Variants in LRMDA observed in about 807,000 individuals in gnomAD.
LRMDA encodes leucine-rich melanocyte differentiation-associated protein.
A neutral mutation model predicts 29.8 loss-of-function variants in LRMDA; 18 were observed. The observed-to-expected ratio is 0.60, with a 90% confidence interval of 0.42 to 0.90. The LOEUF (loss-of-function observed/expected upper bound fraction) is 0.90, where lower values mean the gene tolerates loss of function less well. Among genes scored for constraint, LRMDA ranks in the 40% least tolerant of loss-of-function variants. LRMDA has a pLI of 0.00. For missense variants in LRMDA, 273 were observed against 273.9 expected, an observed-to-expected ratio of 1.00 and a Z score of 0.02; for synonymous variants, 125 against 109.4, an observed-to-expected ratio of 1.14 and a Z score of -0.89.
chr10:75,624,915 G>A (rs1383801808), intron 2 of LRMDA, among the ~76,000 whole-genome samples: 2 of 152,170 alleles, frequency 1.3e-5, no homozygotes, highest in Non-Finnish European at 2.9e-5. Context: ...AACAATCCAG[G>A]AGACTTGTGG....
intron 2 of LRMDA, among the ~76,000 whole-genome samples, chr10:75,458,696 A>G (rs772500597): frequency 6.6e-6 from 1 of 152,086 alleles, no homozygotes; most frequent in Admixed American, 6.6e-5. Flanking sequence ...TTCAACATAG[A>G]TGCACCCCAC....
In LRMDA at chr10:75,682,822, C is replaced by T. The variant is rs572003747; in HGVS notation, c.131+244328C>T. Among the ~76,000 whole-genome samples, 47 of 152,214 alleles carry T rather than the reference C, an allele frequency of 3.1e-4. 1 individual carries two copies. In the South Asian group the frequency reaches 9.4e-3, roughly 30 times the overall value. Reference sequence around the variant, plus strand: ...TTTGACTCAGCGCAGCATCAATCCCCCTGAGACTGGCCTGTTAAAAGTGGA... The same window carrying T: ...TTTGACTCAGCGCAGCATCAATCCCTCTGAGACTGGCCTGTTAAAAGTGGA... On this transcript the variant is annotated intron_variant, in intron 2 of 6. Transcript: ENST00000611255.
chr10:75,807,338 G>T (rs562721516), intron 2 of LRMDA, among the ~76,000 whole-genome samples: 26 of 152,312 alleles, frequency 1.7e-4, no homozygotes, highest in Middle Eastern at 3.4e-3. Context: ...ATCAGACAGG[G>T]CATGGGCCTG....
At chr10:75,816,894 C>T (rs532853869) in intron 2 of LRMDA, among the ~76,000 whole-genome samples, 110 of 152,304 alleles carry the variant, frequency 7.2e-4, no homozygotes, top group African/African-American at 2.4e-3. Context: ...GGTTAGTATT[C>T]TCTGCTGTCA....
In LRMDA at chr10:75,649,114, C is replaced by T. The variant is rs181066852; in HGVS notation, c.131+210620C>T. Among the ~76,000 whole-genome samples, 316 of 152,296 alleles carry T rather than the reference C, an allele frequency of 2.1e-3. 3 individuals carry two copies. The highest frequency in any genetic ancestry group is 0.018 in the South Asian group (88 of 4,824). ...CCCATTAAACAGTAACTCCCCATTC[C>T]TCCCTCCCCTTAGCCCCTAGCAACC... On this transcript the variant is annotated intron_variant, in intron 2 of 6. Coordinates refer to ENST00000611255, the MANE Select transcript of LRMDA (RefSeq NM_001305581.2).
intron 2 of LRMDA, chr10:75,883,556 A>C (rs901787486): frequency 6.6e-6 from 1 of 152,116 alleles, no homozygotes; most frequent in Non-Finnish European, 1.5e-5. Context: ...CGGCAAAGCA[A>C]TTATCATTTC....
intron 5 of LRMDA, among the ~76,000 whole-genome samples, chr10:76,060,273 G>A (rs745873138): frequency 1.3e-5 from 2 of 152,052 alleles, no homozygotes; most frequent in East Asian, 1.9e-4. Context: ...TTTCTCCTGC[G>A]CTCATTGACT....
intron 6 of LRMDA, among the ~76,000 whole-genome samples, chr10:76,357,895 G>A (rs770235889): frequency 5.4e-4 from 82 of 152,262 alleles, no homozygotes; most frequent in Non-Finnish European, 9.7e-4. Context: ...CCATGGGACT[G>A]TGAGGCCTCC....
chr10:75,980,515 G>A (rs934347141), intron 2 of LRMDA, among the ~76,000 whole-genome samples: 1 of 152,148 alleles, frequency 6.6e-6, no homozygotes. Context: ...AGATTTTTTT[G>A]GCAGGGGGGC....
rs1021129213 is a variant in LRMDA at position 76,486,676 on chromosome 10, A to C, written c.602-70533A>C. ...TCTTACTGGGACTTTGTTTGGAGAG[A>C]TGTAGTGGGAATTTTAAAAAAGAGA... On this transcript the variant is annotated intron_variant, in intron 6 of 6. Transcript: ENST00000611255. 3.3e-5 allele frequency among the ~76,000 whole-genome samples: 5 copies of C among 151,748 alleles called. No individual in the cohort carries two copies. The South Asian group carries it at 8.3e-4, about 25-fold the overall frequency.
chr10:76,092,890 T>A (rs901370194), intron 5 of LRMDA, among the ~76,000 whole-genome samples: 10 of 152,246 alleles, frequency 6.6e-5, no homozygotes, highest in South Asian at 2.1e-4. Flanking sequence ...TGCATTTTTT[T>A]ATCAAATGGC....
chr10:76,076,333 G>A (rs1233813687), intron 5 of LRMDA, among the ~76,000 whole-genome samples: 15 of 115,140 alleles, frequency 1.3e-4, no homozygotes, highest in East Asian at 2.3e-4. Context: ...GCGACAGAGC[G>A]AGACTCCATC....
chr10:76,119,782 T>A (rs1007759182), intron 5 of LRMDA, among the ~76,000 whole-genome samples: 2 of 152,234 alleles, frequency 1.3e-5, no homozygotes, highest in African/African-American at 4.8e-5. Flanking sequence ...AAAATGCATG[T>A]CCCAGTTTGG....
At chr10:75,781,775 C>T (rs1843387761) in intron 2 of LRMDA, among the ~76,000 whole-genome samples, 1 of 152,180 alleles carries the variant, frequency 6.6e-6, no homozygotes, top group South Asian at 2.1e-4. Context: ...ATATTCATAA[C>T]TAATTCTGCG....
intron 5 of LRMDA, among the ~76,000 whole-genome samples, chr10:76,263,728 T>C (rs1839971237): frequency 1.3e-5 from 2 of 152,172 alleles, no homozygotes; most frequent in Admixed American, 6.5e-5. Context: ...AGGGGTAAAA[T>C]GTTGAACATG....
At chr10:76,091,019 T>C (rs1408282507) in intron 5 of LRMDA, among the ~76,000 whole-genome samples, 1 of 152,234 alleles carries the variant, frequency 6.6e-6, no homozygotes, top group African/African-American at 2.4e-5. Flanking sequence ...ATAATATTAC[T>C]GCATCTTTGT....
intron 2 of LRMDA, among the ~76,000 whole-genome samples, chr10:75,814,786 C>T (rs573034670): frequency 7.2e-5 from 11 of 152,222 alleles, no homozygotes; most frequent in Non-Finnish European, 1.3e-4. Context: ...ACTTAAGATG[C>T]GTGTTAGAAA....
chr10:75,778,617 G>A (rs1843342543), intron 2 of LRMDA, among the ~76,000 whole-genome samples: 1 of 152,124 alleles, frequency 6.6e-6, no homozygotes, highest in South Asian at 2.1e-4. Context: ...TACAGAAGTA[G>A]GATCAGACAT....
chr10:76,227,615 G>A (rs1024091140), intron 5 of LRMDA, among the ~76,000 whole-genome samples: 2 of 152,108 alleles, frequency 1.3e-5, no homozygotes, highest in African/African-American at 4.8e-5. Context: ...AGCCATTCTT[G>A]TAATCAACTG....
Sources: gnomAD v4.1 joint callset for allele counts (sites outside exome capture counted in the v4.1 genomes callset) on GRCh38, gnomAD v4.1.1 for gene constraint, MANE v1.5 for transcripts, NCBI Gene and HGNC (gene_info 2026-07-23, HGNC 2026-07-21) for gene names.